The following COP1 variants were observed in gnomAD, a reference collection of about 807,000 sequenced individuals.
The protein encoded by COP1 is COP1 E3 ubiquitin ligase.
In COP1, 24 loss-of-function variants were observed where a neutral mutation model predicts 101.3. The observed-to-expected ratio is 0.24, with a 90% confidence interval of 0.17 to 0.33. The LOEUF (loss-of-function observed/expected upper bound fraction) is 0.33. COP1 is among the 10% of genes least tolerant of loss of function. COP1 has a pLI of 1.00. For synonymous variants in COP1, 347 were observed against 341.9 expected (o/e 1.01, Z -0.17); for missense variants, 663 against 906.2 (o/e 0.73, Z 3.45).
chr1:175,995,290 G>C (rs1452260354), intron 15 of COP1, among the ~76,000 whole-genome samples: 2 of 152,158 alleles, frequency 1.3e-5, no homozygotes, highest in Non-Finnish European at 2.9e-5. Flanking sequence ...ACAAGACAAA[G>C]CAGGAAAGAT....
chr1:176,181,498 C>T (rs1351475453), intron 2 of COP1, among the ~76,000 whole-genome samples: 1 of 151,824 alleles, frequency 6.6e-6, no homozygotes, highest in African/African-American at 2.4e-5. Context: ...TAGTTCCTGC[C>T]AACATTATGG....
intron 14 of COP1, among the ~76,000 whole-genome samples, chr1:176,035,932 A>T (rs1270840314): frequency 6.6e-6 from 1 of 152,122 alleles, no homozygotes; most frequent in African/African-American, 2.4e-5. Flanking sequence ...TTTAACCATA[A>T]GAGGATTAAG....
intron 1 of COP1, among the ~76,000 whole-genome samples, chr1:176,191,032 G>A (rs1282373573): frequency 2.0e-5 from 3 of 152,008 alleles, no homozygotes; most frequent in Non-Finnish European, 4.4e-5. Context: ...ACACTTTCGT[G>A]TTTTGATACC....
intron 18 of COP1, among the ~76,000 whole-genome samples, chr1:175,970,001 T>A (rs1019470730): frequency 6.6e-6 from 1 of 152,164 alleles, no homozygotes; most frequent in Non-Finnish European, 1.5e-5. Context: ...CTCTCTGGGT[T>A]AGGCAGACTT....
At chr1:175,954,194 C>T (rs1011595428) in intron 18 of COP1, among the ~76,000 whole-genome samples, 1 of 152,002 alleles carries the variant, frequency 6.6e-6, no homozygotes, top group Admixed American at 6.6e-5. Flanking sequence ...TCCCAAATAA[C>T]CCAGGGATGG....
intron 11 of COP1, among the ~76,000 whole-genome samples, chr1:176,055,086 G>C (rs1279014804): frequency 6.6e-6 from 1 of 152,110 alleles, no homozygotes; most frequent in Non-Finnish European, 1.5e-5. Context: ...CTACCTTACT[G>C]ACAACTCCAT....
At chr1:176,137,585 C>T (rs1214445448) in intron 6 of COP1, among the ~76,000 whole-genome samples, 1 of 152,046 alleles carries the variant, frequency 6.6e-6, no homozygotes, top group Non-Finnish European at 1.5e-5. Context: ...AAATGAAGCA[C>T]AGAAAGGTTA....
chr1:176,096,244 T>C (rs1269536439), intron 9 of COP1, among the ~76,000 whole-genome samples: 1 of 152,156 alleles, frequency 6.6e-6, no homozygotes, highest in South Asian at 2.1e-4. Flanking sequence ...CTTCTGAGCC[T>C]TTTGGTCCTA....
At chr1:176,029,260 A>C (rs1395305526) in intron 14 of COP1, among the ~76,000 whole-genome samples, 2 of 152,076 alleles carry the variant, frequency 1.3e-5, no homozygotes, top group Non-Finnish European at 2.9e-5. Flanking sequence ...TATTTAGTTA[A>C]ATTGCAAAAT....
At chr1:176,156,556 C>G (rs1424179370) in intron 5 of COP1, among the ~76,000 whole-genome samples, 1 of 152,128 alleles carries the variant, frequency 6.6e-6, no homozygotes. Flanking sequence ...GTTAAGGACA[C>G]ACACTTTATA....
chr1:176,206,785 A>C lies in COP1; in HGVS notation c.194T>G (p.Val65Gly). The change falls in exon 1 of 20, where the codon GTG becomes GGG. Residue 65 changes from valine (V) to glycine (G), a missense_variant. Around this residue, in one of 4 missense-constraint regions of COP1, gnomAD observed 204 missense variants for 203.6 expected, o/e 1.00. Coordinates refer to ENST00000367669, the MANE Select transcript of COP1 (RefSeq NM_022457.7). ...GGCGGGCGCCACCAACACAGGCCGCACCGGGCCCCCGAGGCCGCCCGAGCC... is the reference window on the plus strand; with the variant it reads ...GGCGGGCGCCACCAACACAGGCCGCCCCGGGCCCCCGAGGCCGCCCGAGCC... ...AAGSGGLGGP[V>G]RPVLVAPAVS... 1 of 1,409,312 alleles carries C rather than the reference A, an allele frequency of 7.1e-7. No individual in the cohort carries two copies. 87.3% of individuals were successfully genotyped at this position (1,409,312 alleles called of 1,614,324 possible).
chr1:175,946,029 T>C (rs1295115352), intron 19 of COP1, among the ~76,000 whole-genome samples: 2 of 152,166 alleles, frequency 1.3e-5, no homozygotes, highest in Admixed American at 6.5e-5. Flanking sequence ...GCAATCCCAA[T>C]TGGTGTAAAG....
chr1:176,074,260 A>C (rs1190667768), intron 11 of COP1, among the ~76,000 whole-genome samples: 19 of 152,106 alleles, frequency 1.2e-4, no homozygotes, highest in Non-Finnish European at 2.2e-4. Context: ...AATTAATTAA[A>C]TTTCCTTTTT....
intron 11 of COP1, among the ~76,000 whole-genome samples, chr1:176,074,955 A>G (rs1202653187): frequency 6.6e-6 from 1 of 152,190 alleles, no homozygotes; most frequent in Non-Finnish European, 1.5e-5. Context: ...CATTCTTAAC[A>G]TAGTTAAGAA....
chr1:175,965,411 C>T (rs780689514), intron 18 of COP1, among the ~76,000 whole-genome samples: 14 of 152,200 alleles, frequency 9.2e-5, no homozygotes, highest in Non-Finnish European at 1.9e-4. Context: ...AATTTCATCA[C>T]TCGTGCTGAC....
intron 9 of COP1, among the ~76,000 whole-genome samples, chr1:176,112,542 A>C (rs1293943675): frequency 6.6e-6 from 1 of 152,178 alleles, no homozygotes; most frequent in Non-Finnish European, 1.5e-5. Context: ...ATCATGTCAA[A>C]CATTTATCAT....
At chr1:176,011,255 T>C (rs1396889307) in intron 15 of COP1, among the ~76,000 whole-genome samples, 2 of 152,178 alleles carry the variant, frequency 1.3e-5, no homozygotes, top group African/African-American at 4.8e-5. Context: ...ACTTACTTTC[T>C]CAGTAGAACC....
chr1:176,007,595 A>G (rs1663620232), intron 15 of COP1, among the ~76,000 whole-genome samples: 2 of 151,454 alleles, frequency 1.3e-5, no homozygotes, highest in South Asian at 4.2e-4. Flanking sequence ...CTGTTGGAAT[A>G]CCCTGCCGTG....
chr1:176,202,651 A>G (rs1700392187), intron 1 of COP1, among the ~76,000 whole-genome samples: 1 of 151,968 alleles, frequency 6.6e-6, no homozygotes, highest in East Asian at 2.0e-4. Context: ...TGGGCAACAT[A>G]GGGAGAGCCC....
Sources: gnomAD v4.1 joint callset for allele counts (sites outside exome capture counted in the v4.1 genomes callset) on GRCh38, gnomAD v4.1.1 for gene constraint, gnomAD v4.1.1 regional missense constraint, MANE v1.5 for transcripts, NCBI Gene and HGNC (gene_info 2026-07-23, HGNC 2026-07-21) for gene names.